The following RPS6KC1 variants were observed in gnomAD, a reference collection of about 807,000 sequenced individuals.
RPS6KC1 encodes inactive ribosomal protein S6 kinase delta-1.
RPS6KC1 carries 54 observed loss-of-function variants against 103.8 expected under a neutral mutation model. The observed-to-expected ratio is 0.52, with a 90% CI of 0.42 to 0.65. The LOEUF is 0.65. RPS6KC1 is among the 30% of genes least tolerant of loss of function. RPS6KC1 has a pLI of 0.00. For synonymous variants in RPS6KC1, 439 were observed against 438.7 expected, an observed-to-expected ratio of 1.00 and a Z score of -0.01; for missense variants, 1,151 against 1,253.8, an observed-to-expected ratio of 0.92 and a Z score of 1.24.
intron 8 of RPS6KC1, among the ~76,000 whole-genome samples, chr1:213,227,940 G>A (rs1337810540): frequency 6.6e-6 from 1 of 152,158 alleles, no homozygotes; most frequent in African/African-American, 2.4e-5. Context: ...AATTACATCT[G>A]AAAAGGCTTT....
At chr1:213,514,834 A>T in the RPS6KC1 span, among the ~76,000 whole-genome samples, 284 of 152,302 alleles carry the variant, frequency 1.9e-3, no homozygotes, top group Non-Finnish European at 3.0e-3. Flanking sequence ...GAAGTAGTTT[A>T]CAGTCCCACC....
At chr1:213,839,090 T>TG in the RPS6KC1 span, among the ~76,000 whole-genome samples, 1 of 152,194 alleles carries the variant, frequency 6.6e-6, no homozygotes, top group African/African-American at 2.4e-5. Flanking sequence ...CCTGATATCA[T>TG]GTAACTTTTA....
At chr1:213,141,282 G>C (rs1020310410) in intron 6 of RPS6KC1, among the ~76,000 whole-genome samples, 1 of 151,968 alleles carries the variant, frequency 6.6e-6, no homozygotes. Flanking sequence ...TTTAATTACT[G>C]ATTCAGTTTT....
chr1:213,405,246 C>A, the RPS6KC1 span, among the ~76,000 whole-genome samples: 6 of 152,228 alleles, frequency 3.9e-5, no homozygotes, highest in African/African-American at 1.4e-4. Context: ...CATTGGGATA[C>A]GGAGGATAGA....
intron 12 of RPS6KC1, among the ~76,000 whole-genome samples, chr1:213,254,571 T>C (rs2094601875): frequency 6.6e-6 from 1 of 152,202 alleles, no homozygotes; most frequent in African/African-American, 2.4e-5. Context: ...TTCAGGATCA[T>C]AAAATTACAG....
chr1:213,841,979 A>G, the RPS6KC1 span: 3,229 of 152,180 alleles, frequency 0.021, 45 homozygotes, highest in Admixed American at 0.03. Flanking sequence ...TTCCATCTTC[A>G]TGTTCTTCCC....
the RPS6KC1 span, among the ~76,000 whole-genome samples, chr1:213,322,710 G>A: frequency 6.6e-5 from 10 of 151,836 alleles, no homozygotes; most frequent in African/African-American, 1.7e-4. Flanking sequence ...TCCTCAGCTC[G>A]TGGCTCCTTC....
chr1:213,780,121 GA>G, the RPS6KC1 span, among the ~76,000 whole-genome samples: 3 of 152,128 alleles, frequency 2.0e-5, no homozygotes, highest in African/African-American at 4.8e-5. Flanking sequence ...GAATTTTTCA[GA>G]AGGAAAAATG....
the RPS6KC1 span, among the ~76,000 whole-genome samples, chr1:213,576,244 A>G: frequency 6.6e-6 from 1 of 152,304 alleles, no homozygotes; most frequent in South Asian, 2.1e-4. Flanking sequence ...AATAATATAA[A>G]TTTAAAAACA....
intron 6 of RPS6KC1, among the ~76,000 whole-genome samples, chr1:213,151,663 A>G (rs2088954912): frequency 2.7e-5 from 2 of 75,118 alleles, no homozygotes; most frequent in Non-Finnish European, 5.2e-5. Context: ...CTCACTTCCC[A>G]GTAGGGGCGG....
chr1:213,479,443 G>T, the RPS6KC1 span, among the ~76,000 whole-genome samples: 33 of 152,112 alleles, frequency 2.2e-4, no homozygotes, highest in African/African-American at 7.2e-4. Flanking sequence ...GCATCTTGTT[G>T]TGTTTTCGTT....
At chr1:213,800,133 A>G in the RPS6KC1 span, among the ~76,000 whole-genome samples, 890 of 152,276 alleles carry the variant, frequency 5.8e-3, 10 homozygotes, top group African/African-American at 0.02. Flanking sequence ...ATAGGGGGTT[A>G]GGGTTTCAAC....
the RPS6KC1 span, among the ~76,000 whole-genome samples, chr1:213,574,087 T>C: frequency 6.6e-6 from 1 of 152,092 alleles, no homozygotes; most frequent in African/African-American, 2.4e-5. Context: ...AAATGCTGAG[T>C]TCAATATGCA....
chr1:213,127,255 C>T lies in RPS6KC1; in HGVS notation c.473-2272C>T, dbSNP rs1014481751. Reference sequence around the variant, plus strand: ...GACATTTGCCCTGATGATGCAAAAGCCATGGTAGGTGAAACTGCTGTGCTT... The same window carrying T: ...GACATTTGCCCTGATGATGCAAAAGTCATGGTAGGTGAAACTGCTGTGCTT... On this transcript the variant is annotated intron_variant, in intron 5 of 14. Coordinates refer to ENST00000366960, the MANE Select transcript of RPS6KC1 (RefSeq NM_012424.6). Among the ~76,000 whole-genome samples, 6 of 152,128 alleles carry T rather than the reference C, an allele frequency of 3.9e-5. No individual in the cohort carries two copies. In the East Asian group the frequency reaches 1.2e-3, roughly 29 times the overall value.
chr1:213,339,761 GA>G, the RPS6KC1 span, among the ~76,000 whole-genome samples: 1 of 152,322 alleles, frequency 6.6e-6, no homozygotes, highest in East Asian at 1.9e-4. Flanking sequence ...GAGGATGTAG[GA>G]TTCAGCCTAT....
At chr1:213,238,731 G>C (rs192200645) in intron 10 of RPS6KC1, among the ~76,000 whole-genome samples, 4 of 152,332 alleles carry the variant, frequency 2.6e-5, no homozygotes, top group Admixed American at 2.0e-4. Flanking sequence ...TTGCTGGTCA[G>C]TGGAACTTTA....
the RPS6KC1 span, among the ~76,000 whole-genome samples, chr1:213,482,007 G>A: frequency 9.2e-5 from 14 of 151,978 alleles, no homozygotes; most frequent in Admixed American, 2.6e-4. Flanking sequence ...CCTCTCACTC[G>A]CTCCTGTTCT....
chr1:213,567,404 C>T, the RPS6KC1 span, among the ~76,000 whole-genome samples: 1 of 152,232 alleles, frequency 6.6e-6, no homozygotes, highest in African/African-American at 2.4e-5. Context: ...CATGTGGACA[C>T]TTACACTTAA....
chr1:213,214,235 C>T (rs577572000), intron 8 of RPS6KC1, among the ~76,000 whole-genome samples: 1 of 152,390 alleles, frequency 6.6e-6, no homozygotes, highest in Non-Finnish European at 1.5e-5. Context: ...TTATATCCCG[C>T]GCCTGGCTTG....
Sources: gnomAD v4.1 joint callset for allele counts (sites outside exome capture counted in the v4.1 genomes callset) on GRCh38, gnomAD v4.1.1 for gene constraint, MANE v1.5 for transcripts, NCBI Gene and HGNC (gene_info 2026-07-23, HGNC 2026-07-21) for gene names.